The following PSMD1 variants were observed in gnomAD, a reference collection of about 807,000 sequenced individuals.
PSMD1 encodes proteasome 26S subunit, non-ATPase 1.
Under a neutral mutation model 119.0 loss-of-function variants are expected in PSMD1, and 18 were observed. That is an observed-to-expected ratio of 0.15 (90% CI 0.10 to 0.22). PSMD1 has a LOEUF of 0.22. Among genes scored for constraint, PSMD1 ranks in the 10% least tolerant of loss-of-function variants. The pLI, the probability that PSMD1 is intolerant of heterozygous loss-of-function variation, is 1.00. For missense variants in PSMD1, 702 were observed against 1,158.5 expected (o/e 0.61, Z 5.72); for synonymous variants, 374 against 396.6 (o/e 0.94, Z 0.68).
intron 17 of PSMD1, among the ~76,000 whole-genome samples, chr2:231,140,571 G>T (rs1696084004): frequency 6.6e-6 from 1 of 151,236 alleles, no homozygotes; most frequent in South Asian, 2.1e-4. Context: ...GATTATTGAG[G>T]CTGGGAATAA....
chr2:231,123,338 TTAAA>T (rs1160995006), intron 16 of PSMD1: 1 of 1,068,996 alleles, frequency 9.4e-7, no homozygotes, highest in Non-Finnish European at 1.5e-6. Flanking sequence ...AAAGTAAAGA[TTAAA>T]TGAGTGTCCA....
At chr2:231,162,576 C>A (rs752234702) in intron 20 of PSMD1, among the ~76,000 whole-genome samples, 1 of 152,124 alleles carries the variant, frequency 6.6e-6, no homozygotes, top group Admixed American at 6.5e-5. Flanking sequence ...TGTTTTTACT[C>A]TTTGTGATGA....
chr2:231,098,885 C>T (rs1694795675), intron 16 of PSMD1, among the ~76,000 whole-genome samples: 1 of 152,098 alleles, frequency 6.6e-6, no homozygotes, highest in Non-Finnish European at 1.5e-5. Flanking sequence ...CCTTGTGGTA[C>T]CTCTTTCAAA....
At chr2:231,071,939 C>G (rs1242700836) in intron 6 of PSMD1, among the ~76,000 whole-genome samples, 3 of 152,094 alleles carry the variant, frequency 2.0e-5, no homozygotes, top group Non-Finnish European at 4.4e-5. Flanking sequence ...TTGAATACTG[C>G]TGATTACCAG....
intron 16 of PSMD1, among the ~76,000 whole-genome samples, chr2:231,092,992 T>G (rs1186042175): frequency 6.6e-6 from 1 of 152,174 alleles, no homozygotes; most frequent in Non-Finnish European, 1.5e-5. Context: ...GGCATCTTAA[T>G]CCAATGTGTG....
At chr2:231,069,303 T>A (rs1693982505) in intron 5 of PSMD1, among the ~76,000 whole-genome samples, 1 of 152,124 alleles carries the variant, frequency 6.6e-6, no homozygotes, top group South Asian at 2.1e-4. Context: ...ACTTGTGATA[T>A]AACTCTGTTA....
chr2:231,076,959 T>G, intron 8 of PSMD1, 75 bp from the exon 9 acceptor site: 1 of 1,356,380 alleles, frequency 7.4e-7, no homozygotes, highest in Non-Finnish European at 1.0e-6. Context: ...TTAGGACTGA[T>G]GAAATAAAAT....
intron 16 of PSMD1, among the ~76,000 whole-genome samples, chr2:231,106,950 T>G (rs1694992720): frequency 6.6e-6 from 1 of 152,158 alleles, no homozygotes; most frequent in African/African-American, 2.4e-5. Flanking sequence ...AATATAAATC[T>G]TAACATATGC....
At chr2:231,171,886 AC>A (rs1439036610) in intron 24 of PSMD1, among the ~76,000 whole-genome samples, 1 of 152,100 alleles carries the variant, frequency 6.6e-6, no homozygotes, top group African/African-American at 2.4e-5. Flanking sequence ...AAAAATAAGG[AC>A]AGTATCATTT....
At chr2:231,108,608 G>A (rs1695037705) in intron 16 of PSMD1, 4 of 1,613,740 alleles carry the variant, frequency 2.5e-6, no homozygotes, top group Admixed American at 1.7e-5. Flanking sequence ...AGACTGAATG[G>A]TTGAACTTCG....
intron 19 of PSMD1, among the ~76,000 whole-genome samples, chr2:231,153,911 C>T (rs112914897): frequency 0.022 from 3,367 of 151,728 alleles, 137 homozygotes; most frequent in African/African-American, 0.077. Context: ...GTTGGGAGTT[C>T]GAGACCAGCC....
chr2:231,157,711 T>C (rs1319581170), intron 19 of PSMD1, among the ~76,000 whole-genome samples: 1 of 151,732 alleles, frequency 6.6e-6, no homozygotes, highest in Non-Finnish European at 1.5e-5. Flanking sequence ...GGACTACAGG[T>C]GCACACCGCC....
chr2:231,098,171 C>T (rs1262222645), intron 16 of PSMD1, among the ~76,000 whole-genome samples: 2 of 152,188 alleles, frequency 1.3e-5, no homozygotes, highest in Non-Finnish European at 2.9e-5. Context: ...CCACGGGTTA[C>T]TGGGTTAAGG....
At chr2:231,083,195 C>T (rs188296986) in intron 13 of PSMD1, among the ~76,000 whole-genome samples, 1 of 152,148 alleles carries the variant, frequency 6.6e-6, no homozygotes, top group East Asian at 1.9e-4. Context: ...AATGGTATAT[C>T]CTGTGTGTCC....
chr2:231,119,751 G>T (rs1347824859), intron 16 of PSMD1, among the ~76,000 whole-genome samples: 1 of 151,132 alleles, frequency 6.6e-6, no homozygotes, highest in African/African-American at 2.4e-5. Flanking sequence ...TGCGCCTGTA[G>T]TCCCAGCTAC....
intron 16 of PSMD1, chr2:231,109,260 C>T (rs1400043338): frequency 6.2e-7 from 1 of 1,614,020 alleles, no homozygotes; most frequent in Non-Finnish European, 8.5e-7. Context: ...AAGTAGGTGA[C>T]AATCATAATT....
In PSMD1 at chr2:231,130,839, T is replaced by C. The variant is rs534576991; in HGVS notation, c.1884-7897T>C. 3.0e-4 allele frequency among the ~76,000 whole-genome samples: 46 copies of C among 152,338 alleles called. No homozygotes were observed. In the South Asian group the frequency reaches 9.3e-3, roughly 31 times the overall value. On this transcript the variant is annotated intron_variant, in intron 16 of 24. Coordinates refer to ENST00000308696, the MANE Select transcript of PSMD1 (RefSeq NM_002807.4). ...AAGGATTAGTCATTTAAATACTTTG[T>C]TATAAATGCTGATCCAAGGTATTAT...
Position 231,100,578 on chromosome 2 carries a change from T to C in PSMD1, c.1883+13397T>C, listed in dbSNP as rs192608176. Among the ~76,000 whole-genome samples, 455 of 151,764 alleles carry C rather than the reference T, an allele frequency of 3.0e-3. 1 individual carries two copies. Among genetic ancestry groups the C allele is most frequent in the African/African-American group, 0.011 (438 of 41,376 alleles). ...GTAATTGGAATGAGTTAGGGTGGAG[T>C]AGGTAATCAAAAAAGGTTCCTTTAT... On this transcript the variant is annotated intron_variant, in intron 16 of 24. Coordinates refer to ENST00000308696, the MANE Select transcript of PSMD1 (RefSeq NM_002807.4).
chr2:231,145,570 T>G (rs1430957373), intron 17 of PSMD1, among the ~76,000 whole-genome samples: 1 of 152,116 alleles, frequency 6.6e-6, no homozygotes, highest in Non-Finnish European at 1.5e-5. Context: ...TATTTTTAAT[T>G]TTTTGACTCT....
Sources: gnomAD v4.1 joint callset for allele counts (sites outside exome capture counted in the v4.1 genomes callset) on GRCh38, gnomAD v4.1.1 for gene constraint, MANE v1.5 for transcripts, NCBI Gene and HGNC (gene_info 2026-07-23, HGNC 2026-07-21) for gene names.